Variants in SLCO1A2 observed in about 807,000 individuals in gnomAD.
SLCO1A2 encodes the protein solute carrier organic anion transporter family member 1A2.
Under a neutral mutation model 69.0 loss-of-function variants are expected in SLCO1A2, and 67 were observed. The observed-to-expected ratio is 0.97, with a 90% CI of 0.80 to 1.19. The LOEUF is 1.19. Among genes scored for constraint, SLCO1A2 ranks in the 50% most tolerant of loss-of-function variants. The probability of loss-of-function intolerance (pLI) is 0.00; values close to 1 mark genes in which losing one functional copy is unlikely to be tolerated. For missense variants in SLCO1A2, 787 were observed against 793.7 expected (o/e 0.99, Z 0.10); for synonymous variants, 260 against 265.9 (o/e 0.98, Z 0.22).
At position 21,293,989 on chromosome 12, in the gene SLCO1A2, A is replaced by G; in HGVS notation, c.1393T>C (p.Cys465Arg). ...GNNGLSYLSA[C>R]LAGCETSIGT... ...ATGGATGTCTCACAACCAGCAAGAC[A>G]AGCTGACAGATATGACAAGCCATTG... Residue 465 changes from cysteine (C) to arginine (R), a missense_variant, in exon 11 of 15, where the codon TGT becomes CGT. Cys to Arg is a radical substitution (Grantham distance 180). Coordinates refer to ENST00000683939, the MANE Select transcript of SLCO1A2 (RefSeq NM_001386879.1). The G allele has an allele frequency of 6.2e-7, 1 of 1,612,902 alleles. No homozygotes were observed. Among genetic ancestry groups the G allele is most frequent in the Non-Finnish European group, 8.5e-7 (1 of 1,179,448 alleles).
At chr12:21,366,619 G>A (rs977296978) in intron 2 of SLCO1A2, among the ~76,000 whole-genome samples, 3 of 151,880 alleles carry the variant, frequency 2.0e-5, no homozygotes, top group Non-Finnish European at 4.4e-5. Flanking sequence ...AGGAAATGAA[G>A]ACCACAACAG....
At chr12:21,412,431 G>A (rs991678110) in intron 1 of SLCO1A2, among the ~76,000 whole-genome samples, 1 of 152,054 alleles carries the variant, frequency 6.6e-6, no homozygotes, top group Non-Finnish European at 1.5e-5. Flanking sequence ...GACTTCTCAG[G>A]TCAAGATCCT....
chr12:21,402,229 A>G (rs1020535223), intron 1 of SLCO1A2, among the ~76,000 whole-genome samples: 1 of 151,716 alleles, frequency 6.6e-6, no homozygotes, highest in South Asian at 2.1e-4. Context: ...AAGTACCATA[A>G]ATAAGTTTTT....
chr12:21,417,866 G>C (rs1232547983), intron 1 of SLCO1A2: 1 of 152,094 alleles, frequency 6.6e-6, no homozygotes, highest in Admixed American at 6.5e-5. Context: ...TAGAATTGTA[G>C]AAATGGAACA....
At chr12:21,307,321 T>A (rs924130209) in intron 4 of SLCO1A2, among the ~76,000 whole-genome samples, 33 of 152,284 alleles carry the variant, frequency 2.2e-4, no homozygotes, top group African/African-American at 7.7e-4. Context: ...CTTTAAAAAA[T>A]GTGACATTCA....
intron 2 of SLCO1A2, among the ~76,000 whole-genome samples, chr12:21,349,234 A>T (rs2137006166): frequency 6.6e-6 from 1 of 152,228 alleles, no homozygotes; most frequent in East Asian, 1.9e-4. Flanking sequence ...TATAAAGAGA[A>T]GGATAGAAAA....
chr12:21,293,885 G>T, intron 11 of SLCO1A2, 60 bp downstream of exon 11: 1 of 1,419,350 alleles, frequency 7.0e-7, no homozygotes, highest in Non-Finnish European at 9.5e-7. Context: ...TATAGGCCCA[G>T]TTCATAGTTG....
intron 1 of SLCO1A2, among the ~76,000 whole-genome samples, chr12:21,376,839 T>C (rs376237483): frequency 1.7e-4 from 26 of 152,258 alleles, no homozygotes; most frequent in African/African-American, 5.8e-4. Flanking sequence ...TTTTTAGCCC[T>C]ATAACTATTT....
upstream of SLCO1A2, chr12:21,419,137 T>A (rs1942038293): frequency 6.6e-6 from 1 of 152,164 alleles, no homozygotes; most frequent in South Asian, 2.1e-4. Context: ...TAAAGCCTCT[T>A]TGGTTTCTTC....
intron 1 of SLCO1A2, among the ~76,000 whole-genome samples, chr12:21,405,557 C>T (rs982686709): frequency 2.4e-4 from 37 of 152,134 alleles, no homozygotes; most frequent in Admixed American, 2.4e-3. Context: ...ACCAAAACAG[C>T]ATGGTACTGG....
rs1452964168 is a variant in SLCO1A2 at position 21,292,337 on chromosome 12, C to G, written c.1438-1G>C. The G allele has an allele frequency of 2.2e-5, 36 of 1,600,716 alleles. No individual in the cohort carries two copies. The highest frequency in any genetic ancestry group is 3.0e-5 in the Non-Finnish European group (35 of 1,174,898). On this transcript the variant is annotated splice_acceptor_variant, in intron 11 of 14. Coordinates refer to ENST00000683939, the MANE Select transcript of SLCO1A2 (RefSeq NM_001386879.1). LOFTEE classifies it high-confidence loss of function. ...GAATACAGCTGCAATTTTGGAACAC[C>G]TGCCAAAAAATAACATATTATACTA...
chr12:21,371,035 C>T (rs1398409087), intron 2 of SLCO1A2, among the ~76,000 whole-genome samples: 1 of 152,230 alleles, frequency 6.6e-6, no homozygotes, highest in Non-Finnish European at 1.5e-5. Context: ...AACCCATATG[C>T]AGAGAGTAGC....
chr12:21,334,057 T>C (rs1294530862), intron 2 of SLCO1A2, among the ~76,000 whole-genome samples: 1 of 151,956 alleles, frequency 6.6e-6, no homozygotes, highest in Non-Finnish European at 1.5e-5. Flanking sequence ...TATAAATGAC[T>C]TTGAAGCTAG....
Position 21,297,521 on chromosome 12 carries a change from G to C in SLCO1A2, c.958C>G (p.Leu320Val), listed in dbSNP as rs774765601. 1 of 1,597,930 alleles carries C rather than the reference G, an allele frequency of 6.3e-7. No individual in the cohort carries two copies. Among genetic ancestry groups the C allele is most frequent in the Non-Finnish European group, 8.5e-7 (1 of 1,169,604 alleles). ...KSLSCNPIYM[L>V]FILVSVIQFN... ...TGTATCACACTTACAAGTATGAAAA[G>C]CATATAAATTGGATTGCAGGAAAGA... Residue 320 changes from leucine to valine, a missense_variant, in exon 9 of 15, where the codon CTT (leucine) becomes GTT (valine). Coordinates refer to ENST00000683939, the MANE Select transcript of SLCO1A2 (RefSeq NM_001386879.1).
At chr12:21,330,813 T>C (rs1245070700) in intron 2 of SLCO1A2, among the ~76,000 whole-genome samples, 1 of 152,146 alleles carries the variant, frequency 6.6e-6, no homozygotes, top group Non-Finnish European at 1.5e-5. Flanking sequence ...CCTTTAATTG[T>C]AGCCAACTGA....
chr12:21,328,330 C>T (rs1729512465), intron 2 of SLCO1A2, among the ~76,000 whole-genome samples: 2 of 151,934 alleles, frequency 1.3e-5, no homozygotes, highest in African/African-American at 4.8e-5. Context: ...TTTTTAAATA[C>T]CAAATGACTC....
chr12:21,305,797 ACTG>A (rs1949295893), intron 5 of SLCO1A2, among the ~76,000 whole-genome samples: 1 of 150,696 alleles, frequency 6.6e-6, no homozygotes, highest in African/African-American at 2.4e-5. Context: ...AATTTTTGAA[ACTG>A]TTTTGGTTTC....
At chr12:21,408,713 CGTGTGTGTGTGTGTGTGTGTGTGTGT>C (rs3060712) in intron 1 of SLCO1A2, among the ~76,000 whole-genome samples, 1 of 150,178 alleles carries the variant, frequency 6.7e-6, no homozygotes, top group African/African-American at 2.5e-5. Context: ...TCAGCGCATG[CGTGTGTGTGTGTGTGTGTGTGTGTGT>C]GTGTGTGTGT....
chr12:21,334,844 A>T lies in SLCO1A2; in HGVS notation c.-80T>A. The T allele has an allele frequency of 2.1e-6, 1 of 466,722 alleles. No homozygotes were observed. Among genetic ancestry groups the T allele is most frequent in the Non-Finnish European group, 3.8e-6 (1 of 265,936 alleles). 28.9% of individuals were successfully genotyped at this position (466,722 alleles called of 1,614,324 possible). On this transcript the variant is annotated 5_prime_UTR_variant, in exon 1 of 15. Coordinates refer to ENST00000683939, the MANE Select transcript of SLCO1A2 (RefSeq NM_001386879.1). ...AAAAATACCTGGAACGCTTTAATAC[A>T]GATTAGAAAATCATGGTGTTAGAGA...
Sources: gnomAD v4.1 joint callset for allele counts (sites outside exome capture counted in the v4.1 genomes callset) on GRCh38, gnomAD v4.1.1 for gene constraint, MANE v1.5 for transcripts, NCBI Gene and HGNC (gene_info 2026-07-23, HGNC 2026-07-21) for gene names.